RIMS2: variants seen among roughly 807,000 people sequenced by gnomAD.
The protein encoded by RIMS2 is regulating synaptic membrane exocytosis 2.
In RIMS2, 59 loss-of-function variants were observed where a neutral mutation model predicts 174.4. That is an observed-to-expected ratio of 0.34 (90% CI 0.27 to 0.42). The LOEUF (loss-of-function observed/expected upper bound fraction) is 0.42, where lower values mean the gene tolerates loss of function less well. Ranked by LOEUF, RIMS2 falls within the 10% of genes least tolerant of loss-of-function variation. The probability of loss-of-function intolerance (pLI) is 1.00; values close to 1 mark genes in which losing one functional copy is unlikely to be tolerated. For synonymous variants in RIMS2, 606 were observed against 572.5 expected (o/e 1.06, Z -0.84); for missense variants, 1,620 against 1,666.3 (o/e 0.97, Z 0.48).
At chr8:103,722,146 G>A (rs778849769) in intron 2 of RIMS2, among the ~76,000 whole-genome samples, 1 of 152,008 alleles carries the variant, frequency 6.6e-6, no homozygotes, top group Non-Finnish European at 1.5e-5. Flanking sequence ...AAGGTGGGCA[G>A]ATCACTTGAG....
chr8:103,787,217 C>T (rs2154438418), intron 3 of RIMS2, among the ~76,000 whole-genome samples: 1 of 150,220 alleles, frequency 6.7e-6, no homozygotes, highest in Non-Finnish European at 1.5e-5. Context: ...GGTCTTGACT[C>T]TTTATCCAAT....
At chr8:104,024,089 T>G (rs909826708) in intron 19 of RIMS2, among the ~76,000 whole-genome samples, 1 of 152,114 alleles carries the variant, frequency 6.6e-6, no homozygotes, top group Non-Finnish European at 1.5e-5. Flanking sequence ...TGCAGACACC[T>G]TTGAAAGGCT....
At chr8:104,190,094 G>A (rs2098989968) in intron 19 of RIMS2, among the ~76,000 whole-genome samples, 1 of 152,004 alleles carries the variant, frequency 6.6e-6, no homozygotes, top group South Asian at 2.1e-4. Flanking sequence ...CTTGAGGCCA[G>A]AAGTTCAAGA....
intron 19 of RIMS2, among the ~76,000 whole-genome samples, chr8:104,212,164 C>T (rs1157770373): frequency 6.6e-6 from 1 of 152,168 alleles, no homozygotes. Context: ...GTAGACAGCT[C>T]TGAGACTCAG....
intron 1 of RIMS2, among the ~76,000 whole-genome samples, chr8:103,545,491 A>G (rs779830767): frequency 6.6e-6 from 1 of 152,212 alleles, no homozygotes; most frequent in East Asian, 1.9e-4. Context: ...ACTTTCCTAG[A>G]GAGGTGAACA....
At chr8:104,244,618 C>T (rs781314399) in intron 19 of RIMS2, among the ~76,000 whole-genome samples, 1 of 152,050 alleles carries the variant, frequency 6.6e-6, no homozygotes, top group Non-Finnish European at 1.5e-5. Flanking sequence ...GAAAATAAGG[C>T]TTATTTTTTT....
chr8:103,737,672 C>T (rs566611430), intron 2 of RIMS2, among the ~76,000 whole-genome samples: 3 of 152,162 alleles, frequency 2.0e-5, no homozygotes, highest in Non-Finnish European at 4.4e-5. Context: ...ATCTTTCTAA[C>T]ATCTCATACC....
At chr8:104,059,292 G>A (rs920228951) in intron 19 of RIMS2, among the ~76,000 whole-genome samples, 18 of 148,866 alleles carry the variant, frequency 1.2e-4, no homozygotes, top group African/African-American at 4.5e-4. Flanking sequence ...CACATCCCTT[G>A]TAAGTTGGAT....
At chr8:103,913,225 A>G (rs2076066405) in intron 6 of RIMS2, among the ~76,000 whole-genome samples, 1 of 151,086 alleles carries the variant, frequency 6.6e-6, no homozygotes. Flanking sequence ...TGATCCGCCC[A>G]CCATGACCTC....
chr8:103,639,046 G>A (rs2096161609), intron 1 of RIMS2, among the ~76,000 whole-genome samples: 1 of 151,908 alleles, frequency 6.6e-6, no homozygotes, highest in South Asian at 2.1e-4. Flanking sequence ...GCAGTTACTT[G>A]CTCATGTTCA....
chr8:103,613,826 A>G (rs982079109), intron 1 of RIMS2, among the ~76,000 whole-genome samples: 2 of 152,140 alleles, frequency 1.3e-5, no homozygotes, highest in African/African-American at 4.8e-5. Flanking sequence ...GTGTCTAGAA[A>G]TGTTGCCTGG....
chr8:103,814,169 T>G (rs72681308), intron 3 of RIMS2, among the ~76,000 whole-genome samples: 19,900 of 152,140 alleles, frequency 0.13, 1,763 homozygotes, highest in Non-Finnish European at 0.2. Flanking sequence ...ATACTATATG[T>G]TCTCACTTAT....
intron 19 of RIMS2, chr8:104,015,529 A>G: frequency 1.7e-6 from 1 of 605,916 alleles, no homozygotes; most frequent in Non-Finnish European, 2.9e-6. Flanking sequence ...AATAAACCCA[A>G]CTGCAATTGA....
chr8:103,898,262 C>T (rs1293446602), intron 4 of RIMS2, among the ~76,000 whole-genome samples: 1 of 151,506 alleles, frequency 6.6e-6, no homozygotes, highest in Non-Finnish European at 1.5e-5. Context: ...GTGGAATGTC[C>T]CTATGGTCTC....
At chr8:103,872,393 G>A (rs191780445) in intron 3 of RIMS2, among the ~76,000 whole-genome samples, 13 of 152,210 alleles carry the variant, frequency 8.5e-5, no homozygotes, top group Admixed American at 2.0e-4. Context: ...ACTAATGAGC[G>A]TAGATGTCTT....
chr8:103,749,216 A>G (rs1484471777), intron 2 of RIMS2, among the ~76,000 whole-genome samples: 1 of 150,750 alleles, frequency 6.6e-6, no homozygotes, highest in Non-Finnish European at 1.5e-5. Flanking sequence ...GGTTCATGCC[A>G]TTCTCCTCCC....
At chr8:103,721,057 G>A (rs2097440773) in intron 2 of RIMS2, among the ~76,000 whole-genome samples, 1 of 152,096 alleles carries the variant, frequency 6.6e-6, no homozygotes, top group Middle Eastern at 3.2e-3. Flanking sequence ...CTTCATGAAT[G>A]GTTTAGCACC....
intron 22 of RIMS2, among the ~76,000 whole-genome samples, chr8:104,250,311 C>G (rs1162429810): frequency 1.3e-5 from 2 of 152,146 alleles, no homozygotes; most frequent in Non-Finnish European, 2.9e-5. Flanking sequence ...TTCAGCATCT[C>G]TACTGATTGA....
intron 1 of RIMS2, among the ~76,000 whole-genome samples, chr8:103,590,425 G>A (rs925074886): frequency 2.0e-5 from 3 of 151,204 alleles, no homozygotes; most frequent in African/African-American, 7.3e-5. Context: ...ATGTTTTAAT[G>A]CCTTAACATT....
Sources: allele counts gnomAD v4.1 joint callset (sites outside exome capture counted in the v4.1 genomes callset), GRCh38; gene constraint gnomAD v4.1.1; transcripts MANE v1.5; gene names NCBI Gene and HGNC (gene_info 2026-07-23, HGNC 2026-07-21).